Variants in ZKSCAN5 observed in about 807,000 individuals in gnomAD.
ZKSCAN5 encodes zinc finger protein with KRAB and SCAN domains 5.
Under a neutral mutation model 60.0 loss-of-function variants are expected in ZKSCAN5, and 28 were observed. The ratio of observed to expected loss-of-function variants is 0.47; its 90% CI spans 0.35 to 0.64. ZKSCAN5 has a LOEUF of 0.64. Among genes scored for constraint, ZKSCAN5 ranks in the 30% least tolerant of loss-of-function variants. The pLI is 0.01. For synonymous variants in ZKSCAN5, 361 were observed against 371.2 expected (o/e 0.97, Z 0.31); for missense variants, 881 against 1,034.6 (o/e 0.85, Z 2.04).
chr7:99,506,500 TGAAC>T, intron 2 of ZKSCAN5, 42 bp downstream of exon 2: 1 of 1,525,416 alleles, frequency 6.6e-7, no homozygotes, highest in Admixed American at 1.9e-5. Flanking sequence ...AGGAGAGGAG[TGAAC>T]CATCTGCTGA....
chr7:99,533,624 TTCCTCTCTACA>T lies in ZKSCAN5; in HGVS notation c.*1376_*1386del, dbSNP rs1243059641. 2 of 406,910 alleles carry T rather than the reference TTCCTCTCTACA, an allele frequency of 4.9e-6. No individual in the cohort carries two copies. The highest frequency in any genetic ancestry group is 8.7e-6 in the Non-Finnish European group (2 of 230,936). 25.2% of individuals were successfully genotyped at this position (406,910 alleles called of 1,614,324 possible). A position where few individuals can be genotyped will look rare whatever the true frequency, so the allele number is the denominator to read the frequency against. On this transcript the variant is annotated 3_prime_UTR_variant, in exon 7 of 7. Transcript: ENST00000326775. The stretch of plus-strand genomic sequence containing the variant: ...CCATCTCACCTCACCCAGGAGTCAC[TTCCTCTCTACA>T]CCCCAACACCTGGTTCATTTGATTA...
At chr7:99,521,512 C>A (rs183517875) in intron 5 of ZKSCAN5, among the ~76,000 whole-genome samples, 146 of 152,202 alleles carry the variant, frequency 9.6e-4, no homozygotes, top group Non-Finnish European at 1.8e-3. Context: ...TGCAAAATTT[C>A]TTTTGAAAAA....
At chr7:99,530,909 T>G (rs994896190) in intron 6 of ZKSCAN5, among the ~76,000 whole-genome samples, 199 bp from the exon 7 acceptor site, 3 of 152,050 alleles carry the variant, frequency 2.0e-5, no homozygotes, top group African/African-American at 4.8e-5. Flanking sequence ...ATACAAAAAT[T>G]AGCTGGGTGT....
chr7:99,520,007 T>C (rs1459419669), intron 4 of ZKSCAN5, 98 bp downstream of exon 4: 43 of 1,521,332 alleles, frequency 2.8e-5, no homozygotes, highest in Middle Eastern at 1.7e-4. Flanking sequence ...CTTGGGTTGG[T>C]ACCTTCATTC....
At position 99,506,197 on chromosome 7, in the gene ZKSCAN5, G is replaced by A. The variant is rs1409403408; in HGVS notation, c.153G>A (p.Gln51=). Residue 51 remains glutamine (Q), a synonymous_variant, in exon 2 of 7, where the codon CAG becomes CAA. Transcript: ENST00000326775. ...CGCCAACGTTTGAGACTTTTTACCA[G>A]CGCTTCAGGCACTTCCAGTACCATG... ...YNPPTFETFY[Q]RFRHFQYHEA... The A allele has an allele frequency of 6.2e-7, 1 of 1,614,048 alleles. No individual in the cohort carries two copies. Among genetic ancestry groups the A allele is most frequent in the Non-Finnish European group, 8.5e-7 (1 of 1,180,050 alleles).
At chr7:99,528,123 T>C (rs1045721452) in intron 6 of ZKSCAN5, among the ~76,000 whole-genome samples, 29 of 150,844 alleles carry the variant, frequency 1.9e-4, no homozygotes, top group Middle Eastern at 3.4e-3. Context: ...GTTTTTCTTT[T>C]TTTTTTTTTT....
At chr7:99,507,500 T>G (rs1353213826) in intron 2 of ZKSCAN5, among the ~76,000 whole-genome samples, 1 of 144,032 alleles carries the variant, frequency 6.9e-6, no homozygotes, top group South Asian at 2.3e-4. Flanking sequence ...TGTATATATG[T>G]GTATATATAT....
chr7:99,506,501 G>A (rs1800737727), intron 2 of ZKSCAN5, 43 bp downstream of exon 2: 1 of 1,539,692 alleles, frequency 6.5e-7, no homozygotes, highest in African/African-American at 1.4e-5. Context: ...GGAGAGGAGT[G>A]AACCATCTGC....
At chr7:99,521,549 C>T (rs1352861839) in intron 5 of ZKSCAN5, among the ~76,000 whole-genome samples, 2 of 152,060 alleles carry the variant, frequency 1.3e-5, no homozygotes, top group Admixed American at 6.6e-5. Context: ...ATTGTTTAAC[C>T]GTTTTAGTTC....
chr7:99,533,391 ACTGCTCAGGCCGTTT>A lies in ZKSCAN5; in HGVS notation c.*1148_*1162del, dbSNP rs973642748. On this transcript the variant is annotated 3_prime_UTR_variant, in exon 7 of 7. Transcript: ENST00000326775. Reference sequence around the variant, plus strand: ...GGAGAGTGAGTGAGTGCTCTTGGGCACTGCTCAGGCCGTTTCTGCTGACTTGCCTGGCTTACAATA... The same window carrying A: ...GGAGAGTGAGTGAGTGCTCTTGGGCACTGCTGACTTGCCTGGCTTACAATA... 1.6e-5 allele frequency: 9 copies of A among 563,470 alleles called. No homozygotes were observed. The highest frequency in any genetic ancestry group is 1.1e-4 in the African/African-American group (6 of 53,848). The allele number at this position is 563,470 out of a possible 1,614,324, so 34.9% of individuals were successfully genotyped here. A position where few individuals can be genotyped will look rare whatever the true frequency, so the allele number is the denominator to read the frequency against.
intron 1 of ZKSCAN5, 42 bp from the exon 2 acceptor site, chr7:99,505,963 T>G: frequency 6.7e-7 from 1 of 1,495,500 alleles, no homozygotes; most frequent in Non-Finnish European, 9.1e-7. Flanking sequence ...ACTGAAAGTG[T>G]CCTTCAGAAG....
chr7:99,532,044 C>T lies in ZKSCAN5; in HGVS notation c.2315C>T (p.Ser772Phe). The T allele has an allele frequency of 6.2e-7, 1 of 1,614,202 alleles. No individual in the cohort carries two copies. The highest frequency in any genetic ancestry group is 8.5e-7 in the Non-Finnish European group (1 of 1,180,032). The change falls in exon 7 of 7, where the codon TCC becomes TTC. Residue 772 changes from serine to phenylalanine, a missense_variant. By Grantham distance (155) the Ser-to-Phe change is radical. Around this residue, in one of 5 missense-constraint regions of ZKSCAN5, gnomAD observed 138 missense variants for 143.8 expected, o/e 0.96. Coordinates refer to ENST00000326775, the MANE Select transcript of ZKSCAN5 (RefSeq NM_145102.4). The stretch of plus-strand genomic sequence containing the variant: ...CAAAAAATCTACTCCAGCACAAAAT[C>T]CCATCAATGTCATGAATGTGGCAGA... ...QHQKIYSSTK[S>F]HQCHECGRGF...
intron 2 of ZKSCAN5, among the ~76,000 whole-genome samples, chr7:99,509,587 C>T (rs1347668315): frequency 1.3e-5 from 2 of 152,064 alleles, no homozygotes; most frequent in East Asian, 2.0e-4. Context: ...CTGCCTCAGC[C>T]TCCCAAGTAG....
chr7:99,512,420 A>T (rs778895137), intron 2 of ZKSCAN5, 33 bp from the exon 3 acceptor site: 14 of 1,607,604 alleles, frequency 8.7e-6, no homozygotes, highest in Non-Finnish European at 1.2e-5. Context: ...CTTCTCTGTA[A>T]CTGTACTGAT....
At chr7:99,520,132 T>C (rs762890368) in intron 4 of ZKSCAN5, 37 bp from the exon 5 acceptor site, 17 of 1,607,990 alleles carry the variant, frequency 1.1e-5, no homozygotes, top group Non-Finnish European at 1.4e-5. Context: ...AATTTGGACA[T>C]AGGGAATGAG....
At chr7:99,511,934 C>T (rs1052467631) in intron 2 of ZKSCAN5, among the ~76,000 whole-genome samples, 3 of 152,130 alleles carry the variant, frequency 2.0e-5, no homozygotes, top group Admixed American at 1.3e-4. Flanking sequence ...GGACTACAGG[C>T]GCCCACCACC....
At chr7:99,527,447 C>G (rs1801841256) in intron 6 of ZKSCAN5, among the ~76,000 whole-genome samples, 1 of 151,950 alleles carries the variant, frequency 6.6e-6, no homozygotes, top group South Asian at 2.1e-4. Context: ...ACTAATAGAA[C>G]TGTTATTACT....
chr7:99,514,784 T>C (rs1801191782), intron 3 of ZKSCAN5, among the ~76,000 whole-genome samples: 2 of 151,896 alleles, frequency 1.3e-5, no homozygotes, highest in South Asian at 4.2e-4. Context: ...GGCAGATGCC[T>C]GTAATCCTAG....
At chr7:99,507,330 G>C (rs1039580668) in intron 2 of ZKSCAN5, among the ~76,000 whole-genome samples, 2 of 151,726 alleles carry the variant, frequency 1.3e-5, no homozygotes, top group Non-Finnish European at 2.9e-5. Context: ...CATTTAAATT[G>C]TTCCTTGAGA....
Sources: gnomAD v4.1 joint callset for allele counts (sites outside exome capture counted in the v4.1 genomes callset) on GRCh38, gnomAD v4.1.1 for gene constraint, gnomAD v4.1.1 regional missense constraint, MANE v1.5 for transcripts, NCBI Gene and HGNC (gene_info 2026-07-23, HGNC 2026-07-21) for gene names.